EPHA6: variants seen among roughly 807,000 people sequenced by gnomAD.
EPHA6 encodes the protein EPH receptor A6, also known as ephrin type-A receptor 6.
Under a neutral mutation model 112.0 loss-of-function variants are expected in EPHA6, and 50 were observed. The ratio of observed to expected loss-of-function variants is 0.45; its 90% CI spans 0.36 to 0.56. The LOEUF (loss-of-function observed/expected upper bound fraction) is 0.56, where lower values mean the gene tolerates loss of function less well. EPHA6 is among the 20% of genes least tolerant of loss of function. EPHA6 has a pLI of 0.00. For synonymous variants in EPHA6, 529 were observed against 490.7 expected, an observed-to-expected ratio of 1.08 and a Z score of -1.03; for missense variants, 1,280 against 1,417.4, an observed-to-expected ratio of 0.90 and a Z score of 1.56.
chr3:97,366,609 G>GT (rs111677037), intron 5 of EPHA6, among the ~76,000 whole-genome samples: 1,494 of 146,180 alleles, frequency 0.01, 12 homozygotes, highest in African/African-American at 0.029. Flanking sequence ...CACAATTACT[G>GT]TTTTTTTTTT....
At chr3:97,419,639 A>C (rs2088446306) in intron 6 of EPHA6, among the ~76,000 whole-genome samples, 2 of 152,168 alleles carry the variant, frequency 1.3e-5, no homozygotes, top group Admixed American at 1.3e-4. Context: ...ACACACACAC[A>C]CACAAGAATT....
At chr3:96,817,745 C>T (rs1482082675) in intron 1 of EPHA6, among the ~76,000 whole-genome samples, 14 of 151,828 alleles carry the variant, frequency 9.2e-5, no homozygotes, top group Non-Finnish European at 2.1e-4. Context: ...ATGGATTCAC[C>T]TTTCCCACAA....
chr3:96,838,086 C>T (rs1475405361), intron 1 of EPHA6, among the ~76,000 whole-genome samples: 1 of 151,734 alleles, frequency 6.6e-6, no homozygotes. Flanking sequence ...CCCCCTGCCC[C>T]CCACCCAATG....
chr3:97,753,712 G>A lies in EPHA6; in HGVS notation c.*5011G>A, dbSNP rs6439361. Among the ~76,000 whole-genome samples the A allele has an allele frequency of 0.28, 42,798 of 151,890 alleles. 6,001 individuals are homozygous for A. Among genetic ancestry groups the A allele is most frequent in the East Asian group, 0.33 (1,714 of 5,156 alleles). ...AATAATAGGTATGAACTGCAATGGT[G>A]GCATAAAATCCTTTTAAATTCCATC... is the stretch of plus-strand genomic sequence containing the variant. On this transcript the variant is annotated 3_prime_UTR_variant, in exon 18 of 18. Coordinates refer to ENST00000389672, the MANE Select transcript of EPHA6 (RefSeq NM_001080448.3).
intron 1 of EPHA6, among the ~76,000 whole-genome samples, chr3:96,831,794 GA>G (rs917820543): frequency 6.6e-6 from 1 of 151,942 alleles, no homozygotes; most frequent in African/African-American, 2.4e-5. Flanking sequence ...TTACTTATAA[GA>G]TATTAGATAG....
intron 3 of EPHA6, among the ~76,000 whole-genome samples, chr3:97,139,272 C>A (rs2075838218): frequency 6.6e-6 from 1 of 152,152 alleles, no homozygotes; most frequent in East Asian, 1.9e-4. Flanking sequence ...AACACAGCTG[C>A]CTCTCTCCTA....
intron 2 of EPHA6, among the ~76,000 whole-genome samples, chr3:96,984,124 G>A (rs983591769): frequency 1.3e-5 from 2 of 152,124 alleles, no homozygotes; most frequent in Non-Finnish European, 2.9e-5. Context: ...AGGGGGAGAG[G>A]TGCTCTGGTT....
At chr3:96,988,114 A>G in intron 3 of EPHA6, 121 bp downstream of exon 3, 2 of 695,940 alleles carry the variant, frequency 2.9e-6, no homozygotes, top group Middle Eastern at 4.0e-4. Flanking sequence ...GTTTTGATAC[A>G]TATAATGTAT....
chr3:96,838,632 A>G (rs1195932503), intron 1 of EPHA6, among the ~76,000 whole-genome samples: 1 of 152,078 alleles, frequency 6.6e-6, no homozygotes, highest in South Asian at 2.1e-4. Flanking sequence ...ATTTTAATAT[A>G]TCAATTAAAA....
intron 6 of EPHA6, among the ~76,000 whole-genome samples, chr3:97,444,879 G>A (rs570620359): frequency 6.6e-5 from 10 of 152,084 alleles, no homozygotes; most frequent in Admixed American, 1.3e-4. Flanking sequence ...TCAGGTAAAC[G>A]AAAGATTCAG....
intron 5 of EPHA6, among the ~76,000 whole-genome samples, chr3:97,265,077 G>A (rs1219046963): frequency 6.6e-6 from 1 of 152,144 alleles, no homozygotes; most frequent in African/African-American, 2.4e-5. Context: ...TCTGCAACTG[G>A]TCATCCTGTC....
At chr3:97,667,045 A>G (rs1576243225) in intron 14 of EPHA6, among the ~76,000 whole-genome samples, 2 of 152,198 alleles carry the variant, frequency 1.3e-5, no homozygotes, top group African/African-American at 2.4e-5. Flanking sequence ...TATTTTCTAC[A>G]TAATGTAGCC....
chr3:96,950,938 G>A (rs1352145837), intron 2 of EPHA6, among the ~76,000 whole-genome samples: 6 of 151,768 alleles, frequency 4.0e-5, no homozygotes, highest in African/African-American at 1.2e-4. Flanking sequence ...ATTTAACCCA[G>A]CTTTTTCTTT....
At chr3:96,958,477 A>G (rs1462455878) in intron 2 of EPHA6, among the ~76,000 whole-genome samples, 1 of 152,156 alleles carries the variant, frequency 6.6e-6, no homozygotes, top group Non-Finnish European at 1.5e-5. Flanking sequence ...TCTCTAGTAC[A>G]GTGGTTTTAT....
chr3:97,656,351 T>C (rs187092489), intron 14 of EPHA6, among the ~76,000 whole-genome samples: 6 of 151,942 alleles, frequency 3.9e-5, no homozygotes, highest in African/African-American at 1.4e-4. Context: ...TGGTCAATAT[T>C]CCAAGAAACT....
At chr3:97,324,419 T>TTCTTTCTTTCTTTCTTTC in intron 5 of EPHA6, among the ~76,000 whole-genome samples, 1 of 140,136 alleles carries the variant, frequency 7.1e-6, no homozygotes, top group Non-Finnish European at 1.5e-5. Context: ...CTTTCTTTCT[T>TTCTTTCTTTCTTTCTTTC]TCTTTCTTTC....
chr3:97,740,384 T>A (rs539177445), intron 16 of EPHA6, among the ~76,000 whole-genome samples: 1 of 152,260 alleles, frequency 6.6e-6, no homozygotes, highest in East Asian at 1.9e-4. Context: ...TTCTTGACTA[T>A]CAGCTCAAAT....
At position 96,814,671 on chromosome 3, in the gene EPHA6, G is replaced by A; in HGVS notation, c.48G>A (p.Gln16=). ...PPAARSSPAP[Q]AASSSEAAAP... ...CCGCGAGGAGCTCCCCGGCGCCGCA[G>A]GCAGCGTCCTCCTCCGAAGCAGCTG... Residue 16 remains glutamine, a synonymous_variant, in exon 1 of 18, where the codon CAG becomes CAA. Coordinates refer to ENST00000389672, the MANE Select transcript of EPHA6 (RefSeq NM_001080448.3). 6.7e-7 allele frequency: 1 copy of A among 1,483,472 alleles called. No homozygotes were observed. Among genetic ancestry groups the A allele is most frequent in the Non-Finnish European group, 9.0e-7 (1 of 1,116,260 alleles). 91.9% of individuals were successfully genotyped at this position (1,483,472 alleles called of 1,614,324 possible). A position where few individuals can be genotyped will look rare whatever the true frequency, so the allele number is the denominator to read the frequency against.
chr3:96,907,221 T>C (rs935480979), intron 2 of EPHA6, among the ~76,000 whole-genome samples: 3 of 151,982 alleles, frequency 2.0e-5, no homozygotes, highest in African/African-American at 7.2e-5. Context: ...AGTAAATTAT[T>C]TCCTTAAATC....
Sources: allele counts gnomAD v4.1 joint callset (sites outside exome capture counted in the v4.1 genomes callset), GRCh38; gene constraint gnomAD v4.1.1; transcripts MANE v1.5; gene names NCBI Gene and HGNC (gene_info 2026-07-23, HGNC 2026-07-21).